The following TMEM230 variants were observed in gnomAD, a reference collection of about 807,000 sequenced individuals.
TMEM230 encodes the protein UPF0414 transmembrane protein C20orf30.
A neutral mutation model predicts 15.8 loss-of-function variants in TMEM230; 10 were observed. That is an observed-to-expected ratio of 0.63 (90% CI 0.39 to 1.07). The LOEUF is 1.07. Among genes scored for constraint, TMEM230 ranks in the 50% least tolerant of loss-of-function variants. TMEM230 has a pLI of 0.01. For missense variants in TMEM230, 165 were observed against 193.3 expected (o/e 0.85, Z 0.87); for synonymous variants, 67 against 76.9 (o/e 0.87, Z 0.68).
chr20:5,107,749 G>A (rs1418749543), intron 3 of TMEM230, among the ~76,000 whole-genome samples: 2 of 151,466 alleles, frequency 1.3e-5, no homozygotes, highest in African/African-American at 2.4e-5. Flanking sequence ...AGAAGGTCAA[G>A]GTTACAGTGA....
downstream of TMEM230, among the ~76,000 whole-genome samples, chr20:5,063,503 GGTCTCGAACTTCTGACCTCAA>G (rs2088625670): frequency 6.6e-6 from 1 of 151,864 alleles, no homozygotes; most frequent in Non-Finnish European, 1.5e-5. Flanking sequence ...TGGCTGGGCT[GGTCTCGAACTTCTGACCTCAA>G]GTGGTCTGCC....
At chr20:5,067,137 C>T (rs1463183960), downstream of TMEM230, 1 of 151,898 alleles carries the variant, frequency 6.6e-6, no homozygotes, top group Non-Finnish European at 1.5e-5. Context: ...TGCAGGGATC[C>T]TCTGCAGAGC....
intron 3 of TMEM230, among the ~76,000 whole-genome samples, chr20:5,092,021 TG>T (rs1342106167): frequency 2.0e-5 from 3 of 152,232 alleles, no homozygotes; most frequent in African/African-American, 7.2e-5. Flanking sequence ...TTTGGTGACC[TG>T]GGACTTGGTA....
downstream of TMEM230, chr20:5,067,318 G>A (rs931449674): frequency 3.3e-5 from 5 of 150,894 alleles, no homozygotes; most frequent in African/African-American, 9.7e-5. Context: ...GGAGAAACCC[G>A]TGTGGTTTCT....
At chr20:5,067,234 G>C (rs2088671371), downstream of TMEM230, 3 of 151,256 alleles carry the variant, frequency 2.0e-5, no homozygotes, top group Admixed American at 6.6e-5. Flanking sequence ...ATTGGTTGAG[G>C]GTTGTCCTCA....
intron 4 of TMEM230, among the ~76,000 whole-genome samples, chr20:5,102,575 C>T (rs2089913300): frequency 6.6e-6 from 1 of 151,120 alleles, no homozygotes; most frequent in African/African-American, 2.4e-5. Context: ...CCTGTGGTCC[C>T]AGTTGCTAGT....
At chr20:5,093,660 C>G (rs1294918095) in intron 3 of TMEM230, among the ~76,000 whole-genome samples, 6 of 151,842 alleles carry the variant, frequency 4.0e-5, no homozygotes, top group Non-Finnish European at 8.8e-5. Context: ...CCTCAGCCAC[C>G]CGACTAGCTG....
intron 3 of TMEM230, among the ~76,000 whole-genome samples, chr20:5,080,573 T>C (rs1002892658): frequency 4.8e-5 from 7 of 146,738 alleles, no homozygotes; most frequent in African/African-American, 1.8e-4. Flanking sequence ...CTTTCTGTCT[T>C]TTTTTTTTTT....
At chr20:5,064,236 C>T (rs1250634002), downstream of TMEM230, among the ~76,000 whole-genome samples, 1 of 151,832 alleles carries the variant, frequency 6.6e-6, no homozygotes. Flanking sequence ...CACTACACTC[C>T]AGCCTGGGCA....
chr20:5,083,407 GT>G lies in TMEM230; in HGVS notation c.223-14059del, dbSNP rs979811883. ...CTGAGAGGAAAGACCCAGCTAGGGA[GT>G]TTTAATATGCCTTTTTATTAAATCA... On this transcript the variant is annotated intron_variant, in intron 3 of 3. Coordinates refer to the TMEM230 transcript ENST00000612323. Among the ~76,000 whole-genome samples the G allele has an allele frequency of 2.7e-5, 4 of 150,836 alleles. No individual in the cohort carries two copies. In the Admixed American group the frequency reaches 2.7e-4, roughly 10 times the overall value.
chr20:5,068,993 G>T (rs968635349), exon 4 of TMEM230: 1 of 561,812 alleles, frequency 1.8e-6, no homozygotes, highest in Non-Finnish European at 3.1e-6. Flanking sequence ...TTGCATAGGG[G>T]GTAGAGGGCA....
At chr20:5,093,456 GT>G (rs1277447766) in intron 3 of TMEM230, among the ~76,000 whole-genome samples, 5 of 152,130 alleles carry the variant, frequency 3.3e-5, no homozygotes, top group Non-Finnish European at 5.9e-5. Context: ...GCCCAGGCTG[GT>G]CTTGAACTCC....
intron 3 of TMEM230, among the ~76,000 whole-genome samples, chr20:5,079,940 A>T (rs1162688027): frequency 1.3e-5 from 2 of 152,156 alleles, no homozygotes; most frequent in African/African-American, 2.4e-5. Flanking sequence ...TTTTTAGTTT[A>T]AAAAACTGCA....
At chr20:5,086,400 G>A (rs1410623892) in intron 3 of TMEM230, among the ~76,000 whole-genome samples, 19 of 151,672 alleles carry the variant, frequency 1.3e-4, no homozygotes, top group Middle Eastern at 3.4e-3. Flanking sequence ...TTAGCCAGGC[G>A]TGGTGGCGTG....
intron 3 of TMEM230, among the ~76,000 whole-genome samples, chr20:5,081,597 C>T (rs2089176361): frequency 6.6e-6 from 1 of 152,180 alleles, no homozygotes; most frequent in African/African-American, 2.4e-5. Context: ...AGCTAAGAGA[C>T]ACAGATCAGA....
chr20:5,100,989 A>C, intron 4 of TMEM230, 58 bp from the exon 4 acceptor site: 1 of 1,599,084 alleles, frequency 6.3e-7, no homozygotes, highest in Non-Finnish European at 8.5e-7. Flanking sequence ...TTTTAAAATA[A>C]AACGTCACAG....
At chr20:5,095,218 G>C (rs143662735), downstream of TMEM230, among the ~76,000 whole-genome samples, 466 of 152,264 alleles carry the variant, frequency 3.1e-3, 3 homozygotes, top group African/African-American at 1.0e-2. Flanking sequence ...ATGAAAGAAC[G>C]GAGGCATTAG....
downstream of TMEM230, among the ~76,000 whole-genome samples, chr20:5,063,668 A>C (rs1209171281): frequency 6.6e-6 from 1 of 152,148 alleles, no homozygotes; most frequent in Non-Finnish European, 1.5e-5. Context: ...CAGACCTGAG[A>C]CAGGTGGATT....
At chr20:5,112,692 T>C in intron 1 of TMEM230, 1 of 1,413,210 alleles carries the variant, frequency 7.1e-7, no homozygotes, top group Middle Eastern at 2.0e-4. Context: ...CATAAAACGT[T>C]TGGCACACAG....
Sources: allele counts gnomAD v4.1 joint callset (sites outside exome capture counted in the v4.1 genomes callset), GRCh38; gene constraint gnomAD v4.1.1; transcripts MANE v1.5; gene names NCBI Gene and HGNC (gene_info 2026-07-23, HGNC 2026-07-21).